The following EYA4 variants were observed in gnomAD, a reference collection of about 807,000 sequenced individuals.
EYA4 encodes the protein EYA transcriptional coactivator and phosphatase 4.
A neutral mutation model predicts 87.9 loss-of-function variants in EYA4; 31 were observed. The observed-to-expected ratio is 0.35, with a 90% CI of 0.27 to 0.48. The LOEUF is 0.48. Among genes scored for constraint, EYA4 ranks in the 20% least tolerant of loss-of-function variants. The pLI is 0.99. For synonymous variants in EYA4, 263 were observed against 270.6 expected (o/e 0.97, Z 0.28); for missense variants, 678 against 761.4 (o/e 0.89, Z 1.29).
At chr6:133,312,944 C>A (rs11754045) in intron 2 of EYA4, among the ~76,000 whole-genome samples, 65,787 of 151,738 alleles carry the variant, frequency 0.43, 15,016 homozygotes, top group Non-Finnish European at 0.52. Flanking sequence ...TTTTATGTTT[C>A]CTTTGCCTTT....
intron 2 of EYA4, among the ~76,000 whole-genome samples, chr6:133,285,223 C>T (rs1249005076): frequency 6.6e-6 from 1 of 152,074 alleles, no homozygotes; most frequent in Non-Finnish European, 1.5e-5. Flanking sequence ...GTCTCAATCT[C>T]CTGACCTTGT....
At chr6:133,359,789 A>G (rs763506117) in intron 2 of EYA4, among the ~76,000 whole-genome samples, 1 of 152,234 alleles carries the variant, frequency 6.6e-6, no homozygotes. Flanking sequence ...TAAGAGTTTC[A>G]AATCAATTGT....
At chr6:133,357,821 G>T (rs144116551) in intron 2 of EYA4, among the ~76,000 whole-genome samples, 3 of 151,984 alleles carry the variant, frequency 2.0e-5, no homozygotes, top group African/African-American at 4.8e-5. Flanking sequence ...CAGATTTTGC[G>T]CTGTGGTAAT....
intron 2 of EYA4, among the ~76,000 whole-genome samples, chr6:133,328,051 G>A (rs901455928): frequency 2.1e-4 from 32 of 152,180 alleles, no homozygotes; most frequent in African/African-American, 6.0e-4. Flanking sequence ...CTTTGGGAAA[G>A]CAATCTTAGA....
At chr6:133,402,899 A>G (rs954172945) in intron 3 of EYA4, among the ~76,000 whole-genome samples, 3 of 152,210 alleles carry the variant, frequency 2.0e-5, no homozygotes, top group Admixed American at 1.3e-4. Context: ...ATTGTTCATT[A>G]TCTGATGTTT....
intron 2 of EYA4, among the ~76,000 whole-genome samples, chr6:133,340,092 A>C (rs1782671774): frequency 6.6e-6 from 1 of 152,194 alleles, no homozygotes; most frequent in African/African-American, 2.4e-5. Flanking sequence ...GTTACGTCAC[A>C]CTATCAGAAG....
intron 1 of EYA4, among the ~76,000 whole-genome samples, chr6:133,269,988 T>A (rs567984179): frequency 6.6e-6 from 1 of 152,186 alleles, no homozygotes; most frequent in Non-Finnish European, 1.5e-5. Context: ...GAGAAAGATA[T>A]AGGCTGGGAG....
rs1800841562 is a variant in EYA4 at position 133,528,854 on chromosome 6, ATTT to A, written c.*52_*54del. On this transcript the variant is annotated 3_prime_UTR_variant, in exon 20 of 20. Transcript: ENST00000355286. ...ATTTTTTATATTTCAAGTACACTGA[ATTT>A]TTATGTGTGATTCAATGCCTCTGGC... 1 of 1,611,636 alleles carries A rather than the reference ATTT, an allele frequency of 6.2e-7. No homozygotes were observed. The highest frequency in any genetic ancestry group is 1.3e-5 in the African/African-American group (1 of 74,826).
At chr6:133,475,632 A>G (rs999437030) in intron 11 of EYA4, among the ~76,000 whole-genome samples, 13 of 152,172 alleles carry the variant, frequency 8.5e-5, no homozygotes, top group African/African-American at 3.1e-4. Context: ...GGATTTAGAT[A>G]GAAAGGACCA....
At chr6:133,338,532 G>A (rs1324026872) in intron 2 of EYA4, among the ~76,000 whole-genome samples, 1 of 152,066 alleles carries the variant, frequency 6.6e-6, no homozygotes, top group East Asian at 1.9e-4. Flanking sequence ...TACAAATTAA[G>A]CCTTTTATTT....
At position 133,462,680 on chromosome 6, in the gene EYA4, C is replaced by G; in HGVS notation, c.640C>G (p.Pro214Ala). ...GAGTGGACTTTCCCAAACTCAGTCC[C>G]CATTACAGAGTGGCTGCCTCAGTTA... ...TESGLSQTQS[P>A]LQSGCLSYSP... The change falls in exon 9 of 20, where the codon CCA becomes GCA. Residue 214 changes from proline to alanine, a missense_variant. Transcript: ENST00000355286. The G allele has an allele frequency of 6.2e-7, 1 of 1,613,874 alleles. No homozygotes were observed. Among genetic ancestry groups the G allele is most frequent in the East Asian group, 2.2e-5 (1 of 44,878 alleles).
chr6:133,433,561 G>T (rs1336081233), intron 3 of EYA4, among the ~76,000 whole-genome samples: 1 of 152,202 alleles, frequency 6.6e-6, no homozygotes, highest in Non-Finnish European at 1.5e-5. Flanking sequence ...TCACCATGTT[G>T]GCCAGGATGG....
chr6:133,354,870 T>G (rs1015068217), intron 2 of EYA4, among the ~76,000 whole-genome samples: 9 of 152,150 alleles, frequency 5.9e-5, no homozygotes, highest in African/African-American at 2.2e-4. Context: ...TGAAATGTAG[T>G]GTTTTGTTGT....
Position 133,428,911 on chromosome 6 carries a change from C to CTTTTTTTTTTTTTTTTTTTTTTTTTTT in EYA4, c.84-17714_84-17688dup, listed in dbSNP as rs58727159. On this transcript the variant is annotated intron_variant, in intron 3 of 19. Coordinates refer to ENST00000355286, the MANE Select transcript of EYA4 (RefSeq NM_004100.5). Reference sequence around the variant, plus strand: ...CTGGGGCTGAGGGTAGATTTAGCTTCTTTTTTTTTTTTTTTTTTTTTTTTT... The same window carrying CTTTTTTTTTTTTTTTTTTTTTTTTTTT: ...CTGGGGCTGAGGGTAGATTTAGCTTCTTTTTTTTTTTTTTTTTTTTTTTTTTTTTTTTTTTTTTTTTTTTTTTTTTTT... Among the ~76,000 whole-genome samples, 21 of 48,232 alleles carry CTTTTTTTTTTTTTTTTTTTTTTTTTTT rather than the reference C, an allele frequency of 4.4e-4. 8 individuals are homozygous for CTTTTTTTTTTTTTTTTTTTTTTTTTTT. Among genetic ancestry groups the CTTTTTTTTTTTTTTTTTTTTTTTTTTT allele is most frequent in the East Asian group, 3.7e-3 (4 of 1,092 alleles). 31.6% of individuals were successfully genotyped at this position (48,232 alleles called of 152,430 possible).
chr6:133,489,894 C>T (rs1442885881), intron 13 of EYA4, among the ~76,000 whole-genome samples: 1 of 152,088 alleles, frequency 6.6e-6, no homozygotes, highest in Non-Finnish European at 1.5e-5. Flanking sequence ...GGTATGTAAG[C>T]TACTCATACT....
intron 1 of EYA4, among the ~76,000 whole-genome samples, chr6:133,251,872 G>T (rs1267566945): frequency 6.6e-6 from 1 of 152,186 alleles, no homozygotes. Flanking sequence ...TCTATTTCCA[G>T]TCAAGTGTGG....
At chr6:133,522,710 A>C (rs1324459464) in intron 17 of EYA4, among the ~76,000 whole-genome samples, 2 of 152,224 alleles carry the variant, frequency 1.3e-5, no homozygotes, top group Non-Finnish European at 2.9e-5. Flanking sequence ...AAAAGTTCAT[A>C]TCCAAACCAC....
chr6:133,421,327 G>A (rs929548823), intron 3 of EYA4, among the ~76,000 whole-genome samples: 1 of 152,200 alleles, frequency 6.6e-6, no homozygotes, highest in Non-Finnish European at 1.5e-5. Context: ...AACCTAAGAA[G>A]GAGAGCTGAT....
rs549124383 is a variant in EYA4 at position 133,398,446 on chromosome 6, G to A, written c.83+16005G>A. Among the ~76,000 whole-genome samples the A allele has an allele frequency of 5.3e-5, 8 of 152,274 alleles. No individual in the cohort carries two copies. The East Asian group carries it at 1.5e-3, about 29-fold the overall frequency. ...TCAGTTGGTTGAACTCTTGCTAACT[G>A]AATGACTATAAGGACAGGTTTCAAT... On this transcript the variant is annotated intron_variant, in intron 3 of 19. Coordinates refer to ENST00000355286, the MANE Select transcript of EYA4 (RefSeq NM_004100.5).
Sources: allele counts gnomAD v4.1 joint callset (sites outside exome capture counted in the v4.1 genomes callset), GRCh38; gene constraint gnomAD v4.1.1; transcripts MANE v1.5; gene names NCBI Gene and HGNC (gene_info 2026-07-23, HGNC 2026-07-21).